Variants in DOCK8 observed in about 807,000 individuals in gnomAD.
DOCK8 encodes dedicator of cytokinesis 8, also known as dedicator of cytokinesis protein 8.
In DOCK8, 141 loss-of-function variants were observed where a neutral mutation model predicts 245.6. The observed-to-expected ratio is 0.57, with a 90% confidence interval of 0.50 to 0.66. The LOEUF is 0.66. DOCK8 is among the 30% of genes least tolerant of loss of function. The pLI, the probability that DOCK8 is intolerant of heterozygous loss-of-function variation, is 0.00. For missense variants in DOCK8, 2,965 were observed against 2,603.4 expected (o/e 1.14, Z -3.02); for synonymous variants, 1,168 against 970.2 (o/e 1.20, Z -3.79).
In DOCK8 at chr9:214,922, G is replaced by A. The variant is rs1375129704; in HGVS notation, c.-55G>A. ...TCCGCGGCTACTCTGCGGCGCGCCA[G>A]GCCCCCGCTTTCCGCACCCCGCGAC... On this transcript the variant is annotated 5_prime_UTR_variant, in exon 1 of 48. Transcript: ENST00000432829. 1 of 1,604,376 alleles carries A rather than the reference G, an allele frequency of 6.2e-7. No homozygotes were observed. Among genetic ancestry groups the A allele is most frequent in the Non-Finnish European group, 8.5e-7 (1 of 1,177,094 alleles).
chr9:312,132 C>T lies in DOCK8; in HGVS notation c.707C>T (p.Ala236Val). 1 of 1,614,208 alleles carries T rather than the reference C, an allele frequency of 6.2e-7. No homozygotes were observed. Among genetic ancestry groups the T allele is most frequent in the South Asian group, 1.1e-5 (1 of 91,082 alleles). Reference sequence around the variant, plus strand: ...GAGGCCCGGAGGACCAATAGGCAGGCCGAGCTCTTTGCCCTTTACCCATCA... The same window carrying T: ...GAGGCCCGGAGGACCAATAGGCAGGTCGAGCTCTTTGCCCTTTACCCATCA... Reference protein sequence around the residue: ...NEEARRTNRQAELFALYPSVD... With the variant: ...NEEARRTNRQVELFALYPSVD... The change falls in exon 6 of 48, where the codon GCC becomes GTC. Residue 236 changes from alanine to valine, a missense_variant. By Grantham distance (64) the Ala-to-Val change is moderately conservative. Transcript: ENST00000432829.
chr9:340,365 A>G lies in DOCK8; in HGVS notation c.1679+44A>G, dbSNP rs560209216. 6.2e-6 allele frequency: 10 copies of G among 1,612,076 alleles called. No individual in the cohort carries two copies. The African/African-American group carries it at 1.2e-4, about 19-fold the overall frequency. On this transcript the variant is annotated intron_variant, in intron 14 of 47. Transcript: ENST00000432829. ...GGCTGGGCGTGGTGGCTTACACCAT[A>G]ATCCCATAACTTTGGGAGGCCGAGG...
In DOCK8 at chr9:449,791, T is replaced by C. The variant is rs1245745138; in HGVS notation, c.5825T>C (p.Leu1942Ser). 3.7e-6 allele frequency: 6 copies of C among 1,612,814 alleles called. No homozygotes were observed. The highest frequency in any genetic ancestry group is 3.4e-6 in the Non-Finnish European group (4 of 1,180,000). ...TTTACGTCTCATGTTCAGTTTGTTT[T>C]GACACCGATTGAAGTTGCCATTGAA... ...ISVIQKEEFV[L>S]TPIEVAIEDM... is the part of the protein sequence containing the mutation. Residue 1942 changes from leucine (L) to serine (S), a missense_variant, in exon 45 of 48, where the codon TTG becomes TCG. Transcript: ENST00000432829.
chr9:326,808 G>C (rs971466197), intron 8 of DOCK8, among the ~76,000 whole-genome samples: 1 of 152,170 alleles, frequency 6.6e-6, no homozygotes, highest in African/African-American at 2.4e-5. Flanking sequence ...CTGGAAGTTT[G>C]ATACATTGCT....
chr9:246,832 C>G (rs940622945), intron 1 of DOCK8, among the ~76,000 whole-genome samples: 1 of 151,770 alleles, frequency 6.6e-6, no homozygotes, highest in Non-Finnish European at 1.5e-5. Context: ...CCCAGGCTGG[C>G]CTAGAATTCC....
intron 30 of DOCK8, among the ~76,000 whole-genome samples, chr9:419,689 G>A (rs1291409550): frequency 6.6e-6 from 1 of 152,064 alleles, no homozygotes; most frequent in South Asian, 2.1e-4. Context: ...ATGAACCAAG[G>A]GTGCAGCCTC....
chr9:390,586 G>T lies in DOCK8; in HGVS notation c.2970+20G>T. On this transcript the variant is annotated intron_variant, in intron 24 of 47. Coordinates refer to ENST00000432829, the MANE Select transcript of DOCK8 (RefSeq NM_203447.4). ...CTTCTGGTGAGATTCTTGCGCGTTT[G>T]TATCTGTGCTCAATAGGCCAAGAGA... 6.2e-7 allele frequency: 1 copy of T among 1,609,180 alleles called. No individual in the cohort carries two copies. The highest frequency in any genetic ancestry group is 8.5e-7 in the Non-Finnish European group (1 of 1,175,528).
At chr9:400,083 C>T (rs1178918344) in intron 26 of DOCK8, among the ~76,000 whole-genome samples, 3 of 125,762 alleles carry the variant, frequency 2.4e-5, no homozygotes, top group Non-Finnish European at 4.9e-5. Context: ...CCATCACCAC[C>T]ACCTCCACCA....
chr9:379,583 A>C (rs1032503854), intron 20 of DOCK8, among the ~76,000 whole-genome samples, 188 bp from the exon 21 acceptor site: 8 of 152,164 alleles, frequency 5.3e-5, no homozygotes, highest in Non-Finnish European at 1.2e-4. Flanking sequence ...AGTTCAAAAG[A>C]GGGAATGTGG....
chr9:423,431 G>A (rs2056359071), intron 33 of DOCK8, among the ~76,000 whole-genome samples: 1 of 152,160 alleles, frequency 6.6e-6, no homozygotes, highest in African/African-American at 2.4e-5. Flanking sequence ...ACACACAGTT[G>A]ACAAGGTAGG....
At chr9:319,539 T>C (rs80288929) in intron 7 of DOCK8, among the ~76,000 whole-genome samples, 2,845 of 152,312 alleles carry the variant, frequency 0.019, 95 homozygotes, top group African/African-American at 0.066. Flanking sequence ...CAAATTCTTA[T>C]AGGTAAGCCT....
At chr9:277,422 C>G (rs1340350523) in intron 2 of DOCK8, among the ~76,000 whole-genome samples, 2 of 141,594 alleles carry the variant, frequency 1.4e-5, no homozygotes, top group East Asian at 2.0e-4. Context: ...GAGACCCTGT[C>G]TCAGAAAAGA....
Position 464,499 on chromosome 9 carries a change from A to G in DOCK8, c.*280A>G, listed in dbSNP as rs1034559209. 9 of 515,444 alleles carry G rather than the reference A, an allele frequency of 1.7e-5. No individual in the cohort carries two copies. The highest frequency in any genetic ancestry group is 2.1e-5 in the Non-Finnish European group (6 of 283,892). The allele number at this position is 515,444 out of a possible 1,614,324, so 31.9% of individuals were successfully genotyped here. A position where few individuals can be genotyped will look rare whatever the true frequency, so the allele number is the denominator to read the frequency against. ...TTTTCCACAATGTACCAAACAAGGC[A>G]TAAGCAGCTTCTCCTGCTGACTGGC... On this transcript the variant is annotated 3_prime_UTR_variant, in exon 48 of 48. Coordinates refer to ENST00000432829, the MANE Select transcript of DOCK8 (RefSeq NM_203447.4).
chr9:256,759 G>A (rs977132648), intron 1 of DOCK8, among the ~76,000 whole-genome samples: 1 of 150,882 alleles, frequency 6.6e-6, no homozygotes, highest in Non-Finnish European at 1.5e-5. Flanking sequence ...ACAAAAGAAT[G>A]TGGCAGAAGC....
chr9:405,875 A>G (rs2055394099), intron 27 of DOCK8, among the ~76,000 whole-genome samples: 1 of 152,220 alleles, frequency 6.6e-6, no homozygotes, highest in African/African-American at 2.4e-5. Context: ...ACAAGCAGCA[A>G]TTCAAAATGT....
intron 1 of DOCK8, among the ~76,000 whole-genome samples, chr9:252,524 C>T (rs960766398): frequency 9.2e-5 from 14 of 151,858 alleles, no homozygotes; most frequent in South Asian, 2.1e-4. Context: ...CTATGTAGGT[C>T]GGGCACAGTG....
Position 436,885 on chromosome 9 carries a change from A to G in DOCK8, c.5079+1910A>G, listed in dbSNP as rs114194754. Among the ~76,000 whole-genome samples the G allele has an allele frequency of 9.8e-3, 1,490 of 152,336 alleles. 27 individuals are homozygous for G. The highest frequency in any genetic ancestry group is 0.034 in the African/African-American group (1,403 of 41,574). On this transcript the variant is annotated intron_variant, in intron 39 of 47. Coordinates refer to ENST00000432829, the MANE Select transcript of DOCK8 (RefSeq NM_203447.4). ...TTATAATTATGAGAAATACTGTTAT[A>G]AAGAGGCACAAGATATTGTGAGCAT...
At chr9:332,648 CTTTTTTT>C (rs35539095) in intron 10 of DOCK8, among the ~76,000 whole-genome samples, 170 bp downstream of exon 10, 4 of 63,962 alleles carry the variant, frequency 6.3e-5, no homozygotes, top group African/African-American at 2.7e-4. Flanking sequence ...CCGATGATGA[CTTTTTTT>C]TTTTTTTTTT....
In DOCK8 at chr9:432,208, T is replaced by A; in HGVS notation, c.4669T>A (p.Ser1557Thr). The A allele has an allele frequency of 6.2e-7, 1 of 1,613,812 alleles. No individual in the cohort carries two copies. The highest frequency in any genetic ancestry group is 8.5e-7 in the Non-Finnish European group (1 of 1,179,950). Residue 1557 changes from serine (S) to threonine (T), a missense_variant, in exon 37 of 48, where the codon TCT becomes ACT. By Grantham distance (58) the Ser-to-Thr change is moderately conservative. Around this residue, in one of 3 missense-constraint regions of DOCK8, gnomAD observed 2,825 missense variants for 2,453.5 expected, o/e 1.15. Transcript: ENST00000432829. ...VKMQVTMSLA[S>T]LVGRAPDFNE... ...GATGCAAGTAACCATGTCCCTGGCA[T>A]CTTTGGTGGGAAGAGCACCAGACTT...
Sources: gnomAD v4.1 joint callset for allele counts (sites outside exome capture counted in the v4.1 genomes callset) on GRCh38, gnomAD v4.1.1 for gene constraint, gnomAD v4.1.1 regional missense constraint, MANE v1.5 for transcripts, NCBI Gene and HGNC (gene_info 2026-07-23, HGNC 2026-07-21) for gene names.